Variants in MYH10 observed in about 807,000 individuals in gnomAD.
MYH10 encodes the protein myosin heavy chain 10.
In MYH10, 55 loss-of-function variants were observed where a neutral mutation model predicts 257.8. The ratio of observed to expected loss-of-function variants is 0.21; its 90% CI spans 0.17 to 0.27. The LOEUF (loss-of-function observed/expected upper bound fraction) is 0.27. Among genes scored for constraint, MYH10 ranks in the 10% least tolerant of loss-of-function variants. The probability of loss-of-function intolerance (pLI) is 1.00; values close to 1 mark genes in which losing one functional copy is unlikely to be tolerated. For missense variants in MYH10, 1,631 were observed against 2,500.6 expected (o/e 0.65, Z 7.42); for synonymous variants, 854 against 921.7 (o/e 0.93, Z 1.33).
chr17:8,613,800 C>T lies in MYH10; in HGVS notation c.346-8818G>A, dbSNP rs549845133. On this transcript the variant is annotated intron_variant, in intron 2 of 42. Transcript: ENST00000360416. ...GTCAGATTTGGGACAAAAATAACCA[C>T]CATAAGCAGTTTATGAGAGACATAT... Among the ~76,000 whole-genome samples, 3 of 152,136 alleles carry T rather than the reference C, an allele frequency of 2.0e-5. No individual in the cohort carries two copies. In the East Asian group the frequency reaches 5.8e-4, roughly 29 times the overall value.
chr17:8,603,506 C>T (rs1473204306), intron 3 of MYH10, among the ~76,000 whole-genome samples: 1 of 152,198 alleles, frequency 6.6e-6, no homozygotes. Flanking sequence ...AGAGGGTCAA[C>T]AATCTCAATT....
In MYH10 at chr17:8,545,706, T is replaced by G. The variant is rs370752660; in HGVS notation, c.1279-106A>C. 1.1e-5 allele frequency: 11 copies of G among 1,011,856 alleles called. No individual in the cohort carries two copies. The highest frequency in any genetic ancestry group is 1.4e-5 in the Non-Finnish European group (10 of 700,388). The allele number at this position is 1,011,856 out of a possible 1,614,324, so 62.7% of individuals were successfully genotyped here. A position where few individuals can be genotyped will look rare whatever the true frequency, so the allele number is the denominator to read the frequency against. Reference sequence around the variant, plus strand: ...TATACAGCACTCAAAAAACCTGAGATGGCATTCACTGCTTAATCATGTCTC... The same window carrying G: ...TATACAGCACTCAAAAAACCTGAGAGGGCATTCACTGCTTAATCATGTCTC... On this transcript the variant is annotated intron_variant, in intron 12 of 42. Coordinates refer to ENST00000360416, the MANE Select transcript of MYH10 (RefSeq NM_001256012.3). The surrounding 1 kb of genome is among the most constrained non-coding windows in gnomAD (Gnocchi z 4.7).
chr17:8,503,841 G>T (rs1020201552), intron 28 of MYH10, among the ~76,000 whole-genome samples: 6 of 152,208 alleles, frequency 3.9e-5, no homozygotes, highest in Non-Finnish European at 8.8e-5. Flanking sequence ...AGGTGTGCCT[G>T]CAGCCAGCCA....
intron 26 of MYH10, among the ~76,000 whole-genome samples, chr17:8,508,085 C>T (rs1470042993): frequency 6.6e-6 from 1 of 152,150 alleles, no homozygotes; most frequent in Non-Finnish European, 1.5e-5. Flanking sequence ...CGCTGTGTTA[C>T]CCAGGCTGTA....
chr17:8,523,249 G>C (rs1398498413), intron 17 of MYH10, among the ~76,000 whole-genome samples: 3 of 152,194 alleles, frequency 2.0e-5, no homozygotes, highest in Non-Finnish European at 4.4e-5. Context: ...ACAAATGTTT[G>C]TTCAATCCTA....
chr17:8,613,722 A>G (rs889866109), intron 2 of MYH10, among the ~76,000 whole-genome samples: 1 of 152,232 alleles, frequency 6.6e-6, no homozygotes, highest in African/African-American at 2.4e-5. Context: ...GCTAAAATGT[A>G]ACAGTCATTA....
chr17:8,580,526 C>A (rs563173784), intron 4 of MYH10, among the ~76,000 whole-genome samples: 13 of 152,058 alleles, frequency 8.5e-5, no homozygotes, highest in Admixed American at 5.9e-4. Context: ...ATCATAGTGC[C>A]TGGCAGAGTT....
At chr17:8,481,519 C>A in intron 37 of MYH10, 109 bp from the exon 38 acceptor site, 1 of 886,886 alleles carries the variant, frequency 1.1e-6, no homozygotes, top group Admixed American at 2.4e-5. Flanking sequence ...TGTTTACCTG[C>A]ACCTCAAGCT....
At chr17:8,496,241 C>T (rs979023598) in intron 30 of MYH10, among the ~76,000 whole-genome samples, 4 of 152,222 alleles carry the variant, frequency 2.6e-5, no homozygotes, top group South Asian at 2.1e-4. Context: ...CGTGCGTTCT[C>T]GCTAGTCCTC....
At chr17:8,499,768 C>G (rs1173673777) in intron 29 of MYH10, among the ~76,000 whole-genome samples, 1 of 152,200 alleles carries the variant, frequency 6.6e-6, no homozygotes, top group Non-Finnish European at 1.5e-5. Context: ...TCATCACTCA[C>G]ACTGTCCTCT....
At chr17:8,616,428 A>G (rs1333653596) in intron 2 of MYH10, among the ~76,000 whole-genome samples, 2 of 152,218 alleles carry the variant, frequency 1.3e-5, no homozygotes, top group Non-Finnish European at 2.9e-5. Context: ...AAGTCAATAT[A>G]CAAAAATTAA....
intron 7 of MYH10, among the ~76,000 whole-genome samples, chr17:8,564,197 A>G (rs1003644427): frequency 5.3e-5 from 8 of 152,218 alleles, no homozygotes; most frequent in African/African-American, 1.9e-4. Flanking sequence ...TATAAACCAT[A>G]TGCTAGTATC....
In MYH10 at chr17:8,482,566, G is replaced by C. The variant is rs568641619; in HGVS notation, c.5176-1156C>G. Among the ~76,000 whole-genome samples the C allele has an allele frequency of 7.2e-5, 11 of 152,312 alleles. No individual in the cohort carries two copies. The South Asian group carries it at 1.9e-3, about 26-fold the overall frequency. ...GAAACACTCACTGTCCACTGGCTTGGGGGTGGGGCTCTAGGCAGACTGAGG... is the reference window on the plus strand; with the variant it reads ...GAAACACTCACTGTCCACTGGCTTGCGGGTGGGGCTCTAGGCAGACTGAGG... On this transcript the variant is annotated intron_variant, in intron 37 of 42. Transcript: ENST00000360416.
At chr17:8,605,662 T>C (rs1419568798) in intron 2 of MYH10, among the ~76,000 whole-genome samples, 1 of 152,142 alleles carries the variant, frequency 6.6e-6, no homozygotes, top group African/African-American at 2.4e-5. Context: ...GAAAATCGCC[T>C]GAACCCCAGG....
Position 8,595,174 on chromosome 17 carries a change from T to C in MYH10, c.503-6066A>G, listed in dbSNP as rs772588796. ...CAAAAGGTTAAAGTGTGGATGACTA[T>C]AGGACATTCTCGAAACGGCAGCACT... On this transcript the variant is annotated intron_variant, in intron 3 of 42. Transcript: ENST00000360416. Among the ~76,000 whole-genome samples, 6 of 152,318 alleles carry C rather than the reference T, an allele frequency of 3.9e-5. No individual in the cohort carries two copies. The East Asian group carries it at 5.8e-4, about 15-fold the overall frequency.
chr17:8,628,831 G>C (rs946786289), intron 1 of MYH10, among the ~76,000 whole-genome samples: 2 of 152,216 alleles, frequency 1.3e-5, no homozygotes, highest in African/African-American at 2.4e-5. Flanking sequence ...TGCCCTTCAA[G>C]ATTTCCTCCA....
chr17:8,597,336 G>T (rs2084414654), intron 3 of MYH10, among the ~76,000 whole-genome samples: 1 of 151,082 alleles, frequency 6.6e-6, no homozygotes, highest in African/African-American at 2.4e-5. Context: ...GAGAAGAAAA[G>T]AAAGAAAGAG....
chr17:8,499,538 T>C, intron 29 of MYH10, 62 bp from the exon 30 acceptor site: 1 of 1,515,884 alleles, frequency 6.6e-7, no homozygotes, highest in Non-Finnish European at 9.1e-7. Context: ...TACAGAGGAC[T>C]GCTTTTTGAG....
chr17:8,524,111 C>G (rs1335554001), intron 17 of MYH10, among the ~76,000 whole-genome samples: 2 of 151,922 alleles, frequency 1.3e-5, no homozygotes, highest in Non-Finnish European at 2.9e-5. Flanking sequence ...GGGCCTAAGA[C>G]CATCCCCAAG....
Sources: gnomAD v4.1 joint callset for allele counts (sites outside exome capture counted in the v4.1 genomes callset) on GRCh38, gnomAD v4.1.1 for gene constraint, Gnocchi (gnomAD v3.1) non-coding constraint, MANE v1.5 for transcripts, NCBI Gene and HGNC (gene_info 2026-07-23, HGNC 2026-07-21) for gene names.